Variants in RAB44 observed in about 807,000 individuals in gnomAD.
The protein encoded by RAB44 is ras-related protein Rab-44.
Under a neutral mutation model 93.3 loss-of-function variants are expected in RAB44, and 67 were observed. That is an observed-to-expected ratio of 0.72 (90% CI 0.59 to 0.88). RAB44 has a LOEUF of 0.88. Ranked by LOEUF, RAB44 falls within the 40% of genes least tolerant of loss-of-function variation. The probability of loss-of-function intolerance (pLI) is 0.00; values close to 1 mark genes in which losing one functional copy is unlikely to be tolerated. For missense variants in RAB44, 1,064 were observed against 1,261.7 expected (o/e 0.84, Z 2.37); for synonymous variants, 427 against 520.3 (o/e 0.82, Z 2.44).
In RAB44 at chr6:36,727,174, T is replaced by A. The variant is rs567887317; in HGVS notation, c.2682-403T>A. Among the ~76,000 whole-genome samples, 6 of 152,090 alleles carry A rather than the reference T, an allele frequency of 3.9e-5. No homozygotes were observed. The South Asian group carries it at 1.0e-3, about 26-fold the overall frequency. ...ATGCAGAACACTGAATATTAATGAG[T>A]ATGATGAATGTTTTACACTGTATTT... On this transcript the variant is annotated intron_variant, in intron 10 of 13. Coordinates refer to ENST00000612677, the MANE Select transcript of RAB44 (RefSeq NM_001257357.2).
chr6:36,714,998 C>T (rs976309280), intron 3 of RAB44, among the ~76,000 whole-genome samples: 1 of 152,104 alleles, frequency 6.6e-6, no homozygotes, highest in Non-Finnish European at 1.5e-5. Context: ...TCCAATGTCA[C>T]CTCCTTAGGA....
chr6:36,720,738 A>G (rs933623048), intron 8 of RAB44, among the ~76,000 whole-genome samples, 188 bp downstream of exon 8: 5 of 152,228 alleles, frequency 3.3e-5, no homozygotes, highest in Admixed American at 6.5e-5. Context: ...GGCACAAAAA[A>G]GGGAAACACC....
At position 36,717,131 on chromosome 6, in the gene RAB44, C is replaced by A; in HGVS notation, c.495-142C>A. On this transcript the variant is annotated intron_variant, in intron 4 of 13. Coordinates refer to ENST00000612677, the MANE Select transcript of RAB44 (RefSeq NM_001257357.2). The surrounding 1 kb of genome is among the most constrained non-coding windows in gnomAD (Gnocchi z 4.1). Reference sequence around the variant, plus strand: ...GGAGGAGGTGGCGTTTTAGTTGCATCTTGTAGGGTGTCAATAGATTTGGCC... The same window carrying A: ...GGAGGAGGTGGCGTTTTAGTTGCATATTGTAGGGTGTCAATAGATTTGGCC... 1.3e-6 allele frequency: 1 copy of A among 753,442 alleles called. No homozygotes were observed. Among genetic ancestry groups the A allele is most frequent in the East Asian group, 3.4e-5 (1 of 29,522 alleles). The allele number at this position is 753,442 out of a possible 1,614,324, so 46.7% of individuals were successfully genotyped here.
rs1763112059 is a variant in RAB44, at chr6:36,722,357, T to G, written c.2223T>G (p.Pro741=). The G allele has an allele frequency of 7.4e-7, 1 of 1,344,598 alleles. No homozygotes were observed. Among genetic ancestry groups the G allele is most frequent in the Non-Finnish European group, 9.5e-7 (1 of 1,049,640 alleles). 83.3% of individuals were successfully genotyped at this position (1,344,598 alleles called of 1,614,324 possible). A position where few individuals can be genotyped will look rare whatever the true frequency, so the allele number is the denominator to read the frequency against. ...GCCCCACTCCTGGAAAATCGGCACC[T>G]CCAAGGGGCTCTCCTCCCAGGGGGG... ...AEGPTPGKSA[P]PRGSPPRGAQ... Residue 741 remains proline, a synonymous_variant, in exon 9 of 14, where the codon CCT becomes CCG. Coordinates refer to ENST00000612677, the MANE Select transcript of RAB44 (RefSeq NM_001257357.2).
At position 36,721,578 on chromosome 6, in the gene RAB44, T is replaced by G; in HGVS notation, c.1444T>G (p.Trp482Gly). 8.1e-7 allele frequency: 1 copy of G among 1,234,524 alleles called. No individual in the cohort carries two copies. Among genetic ancestry groups the G allele is most frequent in the Non-Finnish European group, 1.0e-6 (1 of 988,364 alleles). The allele number at this position is 1,234,524 out of a possible 1,614,324, so 76.5% of individuals were successfully genotyped here. The change falls in exon 9 of 14, where the codon TGG (tryptophan) becomes GGG (glycine). Residue 482 changes from tryptophan (W) to glycine (G), a missense_variant. Physicochemically the swap from Trp to Gly is radical, Grantham distance 184. Transcript: ENST00000612677. Reference protein sequence around the residue: ...PGSTPEGRLLWGLSGSLVAPA... With the variant: ...PGSTPEGRLLGGLSGSLVAPA... ...GTCCACACCCGAGGGCCGCCTCCTC[T>G]GGGGTCTCTCAGGAAGCCTGGTGGC...
chr6:36,711,313 C>T (rs987572622), intron 2 of RAB44, among the ~76,000 whole-genome samples: 13 of 151,960 alleles, frequency 8.6e-5, no homozygotes, highest in African/African-American at 2.7e-4. Flanking sequence ...ATCCGAAAGT[C>T]GAAATGAGAA....
intron 2 of RAB44, among the ~76,000 whole-genome samples, chr6:36,705,219 C>T (rs1252683002): frequency 6.6e-6 from 1 of 151,864 alleles, no homozygotes; most frequent in African/African-American, 2.4e-5. Flanking sequence ...GATAAAATTA[C>T]GGAGTTCAAT....
rs60578851 is a variant in RAB44 at position 36,721,185 on chromosome 6, C to CAGGCTGCCTCCCCTGAGG, written c.1056_1073dup (p.Ala353_Ala358dup). The CAGGCTGCCTCCCCTGAGG allele has an allele frequency of 0.068, 83,518 of 1,233,390 alleles. 6,286 individuals are homozygous for CAGGCTGCCTCCCCTGAGG. Among genetic ancestry groups the CAGGCTGCCTCCCCTGAGG allele is most frequent in the African/African-American group, 0.37 (23,702 of 64,112 alleles). 76.4% of individuals were successfully genotyped at this position (1,233,390 alleles called of 1,614,324 possible). A position where few individuals can be genotyped will look rare whatever the true frequency, so the allele number is the denominator to read the frequency against. On this transcript the variant is annotated inframe_insertion, in exon 9 of 14. Transcript: ENST00000612677. ...AGCGGGTGAGAAGACCCCAGACCCTCAGGCTGCCTCCCCTGAGGAGGCCCC... is the reference window on the plus strand; with the variant it reads ...AGCGGGTGAGAAGACCCCAGACCCTCAGGCTGCCTCCCCTGAGGAGGCTGCCTCCCCTGAGGAGGCCCC...
rs1372653769 is a variant in RAB44, at chr6:36,718,030, G to A, written c.644G>A (p.Arg215His). The A allele has an allele frequency of 9.7e-6, 12 of 1,231,858 alleles. No homozygotes were observed. The East Asian group carries it at 1.6e-4, about 16-fold the overall frequency. The allele number at this position is 1,231,858 out of a possible 1,614,324, so 76.3% of individuals were successfully genotyped here. ...GCCCCAACTCCTGCTCCTCCCAGGC[G>A]TGACTCTGACCACCACCGCGAGGTC... is the stretch of plus-strand genomic sequence containing the variant. ...KEALELTLRK[R>H]DSDHHREVQQ... The change falls in exon 6 of 14, where the codon CGT (arginine) becomes CAT (histidine). Residue 215 changes from arginine to histidine, a missense_variant and splice_region_variant. Arg to His is a conservative substitution (Grantham distance 29). Transcript: ENST00000612677.
chr6:36,699,794 G>A (rs573535056), intron 1 of RAB44, among the ~76,000 whole-genome samples: 7 of 152,346 alleles, frequency 4.6e-5, no homozygotes, highest in Non-Finnish European at 1.0e-4. Flanking sequence ...CATGGAACCT[G>A]GCTTTTATGT....
Position 36,728,815 on chromosome 6 carries a change from C to T in RAB44, c.2898+14C>T. The T allele has an allele frequency of 6.5e-7, 1 of 1,544,966 alleles. No homozygotes were observed. Among genetic ancestry groups the T allele is most frequent in the South Asian group, 1.2e-5 (1 of 83,962 alleles). ...CAACTGGCCCAGGTAAGCACTTGGG[C>T]ATCAGCCCGTCTCTGTGCGTGGACT... On this transcript the variant is annotated intron_variant, in intron 12 of 13. Coordinates refer to ENST00000612677, the MANE Select transcript of RAB44 (RefSeq NM_001257357.2).
chr6:36,715,460 G>A lies in RAB44; in HGVS notation c.320-19G>A, dbSNP rs1228171051. On this transcript the variant is annotated intron_variant, in intron 3 of 13. Transcript: ENST00000612677. Reference sequence around the variant, plus strand: ...GCCCAACACCACTGTGCTCCCCTCTGTCCACTTCTGTCCCACAGAAAACAT... The same window carrying A: ...GCCCAACACCACTGTGCTCCCCTCTATCCACTTCTGTCCCACAGAAAACAT... The A allele has an allele frequency of 6.5e-7, 1 of 1,535,666 alleles. No individual in the cohort carries two copies. The highest frequency in any genetic ancestry group is 2.4e-5 in the East Asian group (1 of 40,934).
chr6:36,718,664 G>A (rs1762989936), intron 7 of RAB44, 76 bp downstream of exon 7: 2 of 699,800 alleles, frequency 2.9e-6, no homozygotes, highest in Admixed American at 4.3e-5. Flanking sequence ...TCCTATCAGA[G>A]ACATGGAAAT....
Position 36,720,356 on chromosome 6 carries a change from C to T in RAB44, c.829-7C>T. 8.1e-7 allele frequency: 1 copy of T among 1,232,362 alleles called. No individual in the cohort carries two copies. The highest frequency in any genetic ancestry group is 1.0e-6 in the Non-Finnish European group (1 of 988,126). The allele number at this position is 1,232,362 out of a possible 1,614,324, so 76.3% of individuals were successfully genotyped here. ...GGCTTCTCTCCGCCTCACCCTCCAC[C>T]CTGCAGCTGGAGGCCCAGCTCTCCC... is the stretch of plus-strand genomic sequence containing the variant. On this transcript the variant is annotated splice_polypyrimidine_tract_variant and splice_region_variant and intron_variant, in intron 7 of 13. Coordinates refer to ENST00000612677, the MANE Select transcript of RAB44 (RefSeq NM_001257357.2).
In RAB44 at chr6:36,720,427, T is replaced by A; in HGVS notation, c.893T>A (p.Leu298Gln). The A allele has an allele frequency of 5.7e-6, 7 of 1,232,664 alleles. No individual in the cohort carries two copies. The highest frequency in any genetic ancestry group is 7.1e-6 in the Non-Finnish European group (7 of 988,262). 76.4% of individuals were successfully genotyped at this position (1,232,664 alleles called of 1,614,324 possible). The change falls in exon 8 of 14, where the codon CTG (leucine) becomes CAG (glutamine). Residue 298 changes from leucine (L) to glutamine (Q), a missense_variant. Coordinates refer to ENST00000612677, the MANE Select transcript of RAB44 (RefSeq NM_001257357.2). ...HQEAASENQQ[L>Q]QEAKRDLAGR... The stretch of plus-strand genomic sequence containing the variant: ...GAGGCTGCCTCAGAGAACCAGCAGC[T>A]GCAGGAGGCCAAGCGTGACCTGGCT...
chr6:36,704,061 G>T (rs1337714036), intron 1 of RAB44, among the ~76,000 whole-genome samples, 163 bp from the exon 2 acceptor site: 1 of 152,218 alleles, frequency 6.6e-6, no homozygotes, highest in African/African-American at 2.4e-5. Flanking sequence ...CCATGAGGCG[G>T]CTGGGCGACG....
rs1424896650 is a variant in RAB44 at position 36,730,767 on chromosome 6, C to T, written c.2975+18C>T. ...CTGGCCAGGTAAGTGCTGCCCGCCC[C>T]CCGCCGCCCCCACCCCCCCCCTTGC... On this transcript the variant is annotated intron_variant, in intron 13 of 13. Coordinates refer to ENST00000612677, the MANE Select transcript of RAB44 (RefSeq NM_001257357.2). 131 of 1,123,952 alleles carry T rather than the reference C, an allele frequency of 1.2e-4. No homozygotes were observed. The highest frequency in any genetic ancestry group is 1.4e-4 in the Non-Finnish European group (131 of 914,102). 69.6% of individuals were successfully genotyped at this position (1,123,952 alleles called of 1,614,324 possible).
In RAB44 at chr6:36,725,814, G is replaced by A. The variant is rs1369940798; in HGVS notation, c.2600-48G>A. On this transcript the variant is annotated intron_variant, in intron 9 of 13. Coordinates refer to ENST00000612677, the MANE Select transcript of RAB44 (RefSeq NM_001257357.2). ...ATACTGGGGTAGGCCTTGGCTAGGA[G>A]TCCTGGATGGTAACTTAGTAGGCTT... 8 of 1,379,868 alleles carry A rather than the reference G, an allele frequency of 5.8e-6. No homozygotes were observed. The East Asian group carries it at 2.0e-4, about 34-fold the overall frequency. The allele number at this position is 1,379,868 out of a possible 1,614,324, so 85.5% of individuals were successfully genotyped here. A position where few individuals can be genotyped will look rare whatever the true frequency, so the allele number is the denominator to read the frequency against.
chr6:36,719,074 T>C (rs1256833805), intron 7 of RAB44, among the ~76,000 whole-genome samples: 1 of 152,242 alleles, frequency 6.6e-6, no homozygotes, highest in Admixed American at 6.5e-5. Context: ...CGCCCATCAC[T>C]GCGCCCAGCT....
Sources: allele counts gnomAD v4.1 joint callset (sites outside exome capture counted in the v4.1 genomes callset), GRCh38; gene constraint gnomAD v4.1.1; non-coding constraint Gnocchi (gnomAD v3.1); transcripts MANE v1.5; gene names NCBI Gene and HGNC (gene_info 2026-07-23, HGNC 2026-07-21).